GLI2: variants seen among roughly 807,000 people sequenced by gnomAD.
GLI2 encodes the protein GLI family zinc finger 2.
A neutral mutation model predicts 78.9 loss-of-function variants in GLI2; 22 were observed. The ratio of observed to expected loss-of-function variants is 0.28; its 90% CI spans 0.20 to 0.40. The LOEUF (loss-of-function observed/expected upper bound fraction) is 0.40, where lower values mean the gene tolerates loss of function less well. Among genes scored for constraint, GLI2 ranks in the 10% least tolerant of loss-of-function variants. The probability of loss-of-function intolerance (pLI) is 1.00; values close to 1 mark genes in which losing one functional copy is unlikely to be tolerated. For synonymous variants in GLI2, 974 were observed against 963.7 expected (o/e 1.01, Z -0.20); for missense variants, 2,097 against 2,213.2 (o/e 0.95, Z 1.05).
chr2:120,977,847 T>C (rs1682530677), intron 9 of GLI2, among the ~76,000 whole-genome samples: 1 of 152,172 alleles, frequency 6.6e-6, no homozygotes, highest in African/African-American at 2.4e-5. Context: ...CTCTGTGCCT[T>C]TGTGGAAAGG....
At chr2:120,789,555 G>A (rs1238346085) in intron 1 of GLI2, among the ~76,000 whole-genome samples, 1 of 152,172 alleles carries the variant, frequency 6.6e-6, no homozygotes, top group Non-Finnish European at 1.5e-5. Context: ...CCCTTGTGGA[G>A]CTCCCACAAG....
chr2:120,749,601 C>G (rs1447423518), intron 1 of GLI2, among the ~76,000 whole-genome samples: 2 of 152,180 alleles, frequency 1.3e-5, no homozygotes, highest in Non-Finnish European at 2.9e-5. Flanking sequence ...TGGGTCTCCA[C>G]TTGTTCATTT....
chr2:120,872,765 A>G (rs139331181), intron 2 of GLI2, among the ~76,000 whole-genome samples: 1,853 of 152,336 alleles, frequency 0.012, 26 homozygotes, highest in Non-Finnish European at 0.018. Context: ...CATAGGTATT[A>G]TTGGCGTTAA....
chr2:120,865,276 A>G (rs577388807), intron 2 of GLI2, among the ~76,000 whole-genome samples: 22 of 152,354 alleles, frequency 1.4e-4, no homozygotes, highest in African/African-American at 5.0e-4. Flanking sequence ...TAGCTGGGCC[A>G]GGTCCTGCTG....
chr2:120,951,108 T>C (rs1680961571), intron 3 of GLI2, 135 bp from the exon 4 acceptor site: 1 of 730,610 alleles, frequency 1.4e-6, no homozygotes, highest in Non-Finnish European at 2.6e-6. Flanking sequence ...GGAATGTCGG[T>C]GTAGCAAATA....
chr2:120,857,961 T>C (rs1410356962), intron 2 of GLI2, among the ~76,000 whole-genome samples: 1 of 152,122 alleles, frequency 6.6e-6, no homozygotes, highest in African/African-American at 2.4e-5. Context: ...TTCTTAGAGC[T>C]CTCCTTGGAG....
intron 2 of GLI2, among the ~76,000 whole-genome samples, chr2:120,915,979 A>G (rs1284734698): frequency 1.3e-5 from 2 of 152,218 alleles, no homozygotes; most frequent in African/African-American, 2.4e-5. Context: ...GCGCATGGAC[A>G]TGATAAATGA....
chr2:120,817,943 C>T (rs1645796461), intron 2 of GLI2, among the ~76,000 whole-genome samples: 2 of 152,246 alleles, frequency 1.3e-5, no homozygotes, highest in Admixed American at 1.3e-4. Context: ...CTGAGGCCTC[C>T]ATGTCCTGCC....
chr2:120,793,593 GCT>G (rs1684247941), intron 1 of GLI2, among the ~76,000 whole-genome samples: 1 of 152,184 alleles, frequency 6.6e-6, no homozygotes, highest in Non-Finnish European at 1.5e-5. Context: ...CAGCCTCTTG[GCT>G]CTGTGTACTA....
At chr2:120,942,572 G>T (rs1680501226) in intron 3 of GLI2, among the ~76,000 whole-genome samples, 1 of 152,198 alleles carries the variant, frequency 6.6e-6, no homozygotes, top group Admixed American at 6.5e-5. Context: ...GTAAGTTCTT[G>T]TTCACAGGTT....
chr2:120,898,501 C>T (rs1019273816), intron 2 of GLI2, among the ~76,000 whole-genome samples: 1 of 152,072 alleles, frequency 6.6e-6, no homozygotes, highest in Non-Finnish European at 1.5e-5. Context: ...GAGTGCAGAG[C>T]CATGCTTCAG....
At chr2:120,805,912 G>A (rs1360490329) in intron 2 of GLI2, among the ~76,000 whole-genome samples, 3 of 152,190 alleles carry the variant, frequency 2.0e-5, no homozygotes, top group Non-Finnish European at 4.4e-5. Flanking sequence ...GCTGTGCCAG[G>A]CATGCACTAT....
chr2:120,900,347 A>G (rs1678193003), intron 2 of GLI2, among the ~76,000 whole-genome samples: 1 of 152,244 alleles, frequency 6.6e-6, no homozygotes. Flanking sequence ...CCACAGGTCC[A>G]GGATGGGGTC....
Position 120,905,867 on chromosome 2 carries a change from G to GCCCC in GLI2, c.149-21487_149-21484dup, listed in dbSNP as rs149778827. Among the ~76,000 whole-genome samples, 14 of 146,070 alleles carry GCCCC rather than the reference G, an allele frequency of 9.6e-5. 1 individual carries two copies. Among genetic ancestry groups the GCCCC allele is most frequent in the African/African-American group, 3.1e-4 (12 of 38,640 alleles). ...GGGCTGATTGGGGGAGGGCTACACT[G>GCCCC]CCCCCCCCCCGCCCCCACATGGGCC... is the stretch of plus-strand genomic sequence containing the variant. On this transcript the variant is annotated intron_variant, in intron 2 of 13. Coordinates refer to ENST00000361492, the MANE Select transcript of GLI2 (RefSeq NM_001374353.1).
At chr2:120,912,988 G>T (rs540709479) in intron 2 of GLI2, among the ~76,000 whole-genome samples, 2 of 152,298 alleles carry the variant, frequency 1.3e-5, no homozygotes, top group East Asian at 3.9e-4. Context: ...ACGTTTGTGA[G>T]TTAAATGAAT....
intron 2 of GLI2, among the ~76,000 whole-genome samples, chr2:120,825,388 C>T (rs949453644): frequency 6.8e-6 from 1 of 146,078 alleles, no homozygotes; most frequent in Non-Finnish European, 1.5e-5. Context: ...GCTGTGAATG[C>T]GCCTGGCTGT....
chr2:120,822,248 G>A lies in GLI2; in HGVS notation c.148+24780G>A, dbSNP rs184122403. Among the ~76,000 whole-genome samples, 7 of 152,380 alleles carry A rather than the reference G, an allele frequency of 4.6e-5. No individual in the cohort carries two copies. In the East Asian group the frequency reaches 1.3e-3, roughly 29 times the overall value. On this transcript the variant is annotated intron_variant, in intron 2 of 13. Coordinates refer to ENST00000361492, the MANE Select transcript of GLI2 (RefSeq NM_001374353.1). ...TCTGGAAGGTGATAAACTCAACAAA[G>A]TGTCTCTGGAGTTAGAGCAGCCTTC...
intron 2 of GLI2, among the ~76,000 whole-genome samples, chr2:120,860,682 G>A (rs1687861404): frequency 2.0e-5 from 3 of 152,206 alleles, no homozygotes. Context: ...TAGCCTGTTT[G>A]CCTGCAAGAA....
intron 2 of GLI2, among the ~76,000 whole-genome samples, chr2:120,862,934 G>A (rs931365158): frequency 1.3e-5 from 2 of 152,202 alleles, no homozygotes; most frequent in Admixed American, 6.5e-5. Flanking sequence ...CTCCCCAGTC[G>A]GAGGGAGCTT....
Sources: allele counts gnomAD v4.1 joint callset (sites outside exome capture counted in the v4.1 genomes callset), GRCh38; gene constraint gnomAD v4.1.1; transcripts MANE v1.5; gene names NCBI Gene and HGNC (gene_info 2026-07-23, HGNC 2026-07-21).